The following PREX1 variants were observed in gnomAD, a reference collection of about 807,000 sequenced individuals.
PREX1 encodes the protein phosphatidylinositol 3,4,5-trisphosphate-dependent Rac exchanger 1 protein.
In PREX1, 41 loss-of-function variants were observed where a neutral mutation model predicts 198.3. The ratio of observed to expected loss-of-function variants is 0.21; its 90% CI spans 0.16 to 0.27. PREX1 has a LOEUF of 0.27. Among genes scored for constraint, PREX1 ranks in the 10% least tolerant of loss-of-function variants. PREX1 has a pLI of 1.00. For synonymous variants in PREX1, 843 were observed against 887.2 expected (o/e 0.95, Z 0.89); for missense variants, 1,620 against 2,200.7 (o/e 0.74, Z 5.28).
rs1419384054 is a variant in PREX1 at position 48,666,648 on chromosome 20, C to G, written c.1666-293G>C. Among the ~76,000 whole-genome samples the G allele has an allele frequency of 2.6e-5, 4 of 152,170 alleles. No homozygotes were observed. In the South Asian group the frequency reaches 6.2e-4, roughly 24 times the overall value. Reference sequence around the variant, plus strand: ...TCAAGCCATTCTCCTGCCTCAGCCTCCCGAGTAGCTGGGACTACAGGCACC... The same window carrying G: ...TCAAGCCATTCTCCTGCCTCAGCCTGCCGAGTAGCTGGGACTACAGGCACC... On this transcript the variant is annotated intron_variant, in intron 14 of 39. Transcript: ENST00000371941. The surrounding 1 kb of genome is among the most constrained non-coding windows in gnomAD (Gnocchi z 4.3).
At chr20:48,641,840 G>GGAAGGAAGGAAGGA (rs1324460377) in intron 29 of PREX1, among the ~76,000 whole-genome samples, 1 of 81,538 alleles carries the variant, frequency 1.2e-5, no homozygotes, top group African/African-American at 5.3e-5. Context: ...GAGAGAGAGA[G>GGAAGGAAGGAAGGA]AGGAAGGAAG....
Position 48,644,391 on chromosome 20 carries a change from C to T in PREX1, c.3601+18G>A, listed in dbSNP as rs1416423476. The T allele has an allele frequency of 1.3e-5, 21 of 1,602,212 alleles. No individual in the cohort carries two copies. The highest frequency in any genetic ancestry group is 2.2e-5 in the East Asian group (1 of 44,720). ...GGAGCCTCTCTCCCTGAGCACAGGC[C>T]GCTGCCACTCCACTCACCAGACCCC... is the stretch of plus-strand genomic sequence containing the variant. On this transcript the variant is annotated intron_variant, in intron 27 of 39. Transcript: ENST00000371941.
the PREX1 span, among the ~76,000 whole-genome samples, chr20:48,838,869 T>G: frequency 6.6e-6 from 1 of 151,428 alleles, no homozygotes; most frequent in Non-Finnish European, 1.5e-5. Flanking sequence ...CTACTAAAAA[T>G]ACAAAAATTA....
At chr20:48,831,221 G>C (rs1426410463), upstream of PREX1, among the ~76,000 whole-genome samples, 1 of 152,122 alleles carries the variant, frequency 6.6e-6, no homozygotes, top group Non-Finnish European at 1.5e-5. Context: ...TTCTCTCTTT[G>C]GGGGAATAAA....
At position 48,630,736 on chromosome 20, in the gene PREX1, T is replaced by C. The variant is rs769229639; in HGVS notation, c.4585A>G (p.Ile1529Val). The C allele has an allele frequency of 8.8e-6, 14 of 1,594,556 alleles. No homozygotes were observed. The highest frequency in any genetic ancestry group is 3.3e-5 in the South Asian group (3 of 90,696). Residue 1529 changes from isoleucine (I) to valine (V), a missense_variant, in exon 36 of 40, where the codon ATA (isoleucine) becomes GTA (valine). Ile to Val is a conservative substitution (Grantham distance 29). This residue lies in a region of PREX1 where 476 missense variants were observed against 603.4 expected (regional missense o/e 0.79). Transcript: ENST00000371941. ...AGGGCACGTGGACATACCTGGTCTA[T>C]CTTTACCGCCGTGGTGCTGGCATCC... ...PTDASTTAVK[I>V]DQLIRPINAL...
upstream of PREX1, among the ~76,000 whole-genome samples, chr20:48,831,291 G>A (rs145750573): frequency 4.9e-3 from 740 of 152,308 alleles, 6 homozygotes; most frequent in African/African-American, 0.017. Flanking sequence ...GTCCCTGACC[G>A]AGGGCATAGA....
rs1324685408 is a variant in PREX1 at position 48,827,292 on chromosome 20, C to G, written c.219+350G>C. Among the ~76,000 whole-genome samples, 1 of 152,256 alleles carries G rather than the reference C, an allele frequency of 6.6e-6. No individual in the cohort carries two copies. The highest frequency in any genetic ancestry group is 1.5e-5 in the Non-Finnish European group (1 of 68,048). On this transcript the variant is annotated intron_variant, in intron 1 of 39. Coordinates refer to ENST00000371941, the MANE Select transcript of PREX1 (RefSeq NM_020820.4). The surrounding 1 kb of genome is among the most constrained non-coding windows in gnomAD (Gnocchi z 4.1). ...TATTCCTGGGAAAAAGACGCAGGAG[C>G]GCCAGCTCCCGGCGCCGCCGGGGTC...
the PREX1 span, among the ~76,000 whole-genome samples, chr20:48,848,248 CTT>C: frequency 6.4e-5 from 9 of 140,462 alleles, no homozygotes; most frequent in Non-Finnish European, 6.2e-5. Flanking sequence ...TACATTTTTT[CTT>C]TTTTTTTTTT....
chr20:48,816,445 A>C lies in PREX1; in HGVS notation c.219+11197T>G, dbSNP rs576720191. Among the ~76,000 whole-genome samples, 4 of 152,276 alleles carry C rather than the reference A, an allele frequency of 2.6e-5. No individual in the cohort carries two copies. In the South Asian group the frequency reaches 8.3e-4, roughly 32 times the overall value. On this transcript the variant is annotated intron_variant, in intron 1 of 39. Transcript: ENST00000371941. ...GAGGCGAAGGGATTTTGCAGATATA[A>C]TCAGGGTCCAAAATCAGCTGACTGA...
chr20:48,789,585 G>A (rs1324194704), intron 1 of PREX1, among the ~76,000 whole-genome samples: 1 of 152,162 alleles, frequency 6.6e-6, no homozygotes, highest in East Asian at 1.9e-4. Flanking sequence ...CAGCCCCCAC[G>A]CAGCCACTTG....
rs914682226 is a variant in PREX1 at position 48,712,205 on chromosome 20, C to T, written c.622-3784G>A. On this transcript the variant is annotated intron_variant, in intron 5 of 39. Transcript: ENST00000371941. The stretch of plus-strand genomic sequence containing the variant: ...TTACTTTGCCTCCCAATGGCCCTAG[C>T]AGGCAGGTGCTTTTACTATCCCCAC... Among the ~76,000 whole-genome samples, 3 of 152,308 alleles carry T rather than the reference C, an allele frequency of 2.0e-5. No individual in the cohort carries two copies. The South Asian group carries it at 6.2e-4, about 32-fold the overall frequency.
At chr20:48,639,628 G>A (rs1006061864) in intron 30 of PREX1, 138 bp downstream of exon 30, 2 of 1,310,422 alleles carry the variant, frequency 1.5e-6, no homozygotes, top group African/African-American at 3.0e-5. Context: ...GCTGAGAGAG[G>A]GCATCACTTC....
chr20:48,758,289 T>C (rs1271198019), intron 1 of PREX1, among the ~76,000 whole-genome samples: 1 of 152,048 alleles, frequency 6.6e-6, no homozygotes, highest in Non-Finnish European at 1.5e-5. Flanking sequence ...TTAAGGGCAG[T>C]GGGGGTGATC....
chr20:48,847,385 C>CAAAAAAAAAAAAAAAAAAAAAAAAA, the PREX1 span, among the ~76,000 whole-genome samples: 1 of 122,194 alleles, frequency 8.2e-6, no homozygotes, highest in Non-Finnish European at 1.7e-5. Context: ...AAAAAAAAAA[C>CAAAAAAAAAAAAAAAAAAAAAAAAA]AAACCCTCCC....
intron 10 of PREX1, among the ~76,000 whole-genome samples, 198 bp downstream of exon 10, chr20:48,688,459 A>G (rs1358552269): frequency 6.6e-6 from 1 of 152,146 alleles, no homozygotes; most frequent in African/African-American, 2.4e-5. Flanking sequence ...GTCTGGTAGT[A>G]GGTTGAAAGA....
At chr20:48,642,133 C>T (rs201343123) in intron 29 of PREX1, 35 bp downstream of exon 29, 13 of 1,597,538 alleles carry the variant, frequency 8.1e-6, no homozygotes, top group Admixed American at 1.7e-5. Flanking sequence ...CCTTCCCCAT[C>T]GCAGGCTGTC....
At chr20:48,663,835 C>T (rs372547392) in intron 15 of PREX1, among the ~76,000 whole-genome samples, 32 of 152,344 alleles carry the variant, frequency 2.1e-4, no homozygotes, top group African/African-American at 7.2e-4. Flanking sequence ...ACCACCTCCT[C>T]GCTGGCATCC....
At chr20:48,791,416 G>T (rs1244735983) in intron 1 of PREX1, among the ~76,000 whole-genome samples, 1 of 152,208 alleles carries the variant, frequency 6.6e-6, no homozygotes, top group Admixed American at 6.5e-5. Context: ...GGAAACCAAG[G>T]CACAGAGGTC....
In PREX1 at chr20:48,827,931, T is replaced by A; in HGVS notation, c.-71A>T. On this transcript the variant is annotated 5_prime_UTR_variant, in exon 1 of 40. The change abolishes an upstream ATG in the 5' untranslated region. Coordinates refer to ENST00000371941, the MANE Select transcript of PREX1 (RefSeq NM_020820.4). The surrounding 1 kb of genome is among the most constrained non-coding windows in gnomAD (Gnocchi z 4.1). ...GCAACTCAGGCGTCCAGGCGCCCCA[T>A]CCCGGACGGGGCGCGCCGGCGGGCC... The A allele has an allele frequency of 1.7e-6, 1 of 600,588 alleles. No homozygotes were observed. The highest frequency in any genetic ancestry group is 2.1e-5 in the African/African-American group (1 of 48,164). 37.2% of individuals were successfully genotyped at this position (600,588 alleles called of 1,614,324 possible). A position where few individuals can be genotyped will look rare whatever the true frequency, so the allele number is the denominator to read the frequency against.
Sources: allele counts gnomAD v4.1 joint callset (sites outside exome capture counted in the v4.1 genomes callset), GRCh38; gene constraint gnomAD v4.1.1; regional missense constraint gnomAD v4.1.1; non-coding constraint Gnocchi (gnomAD v3.1); transcripts MANE v1.5; gene names NCBI Gene and HGNC (gene_info 2026-07-23, HGNC 2026-07-21).